GOLPH3L: variants seen among roughly 807,000 people sequenced by gnomAD.
GOLPH3L encodes the protein golgi phosphoprotein 3 like.
Under a neutral mutation model 30.3 loss-of-function variants are expected in GOLPH3L, and 22 were observed. The observed-to-expected ratio is 0.73, with a 90% CI of 0.52 to 1.04. The LOEUF (loss-of-function observed/expected upper bound fraction) is 1.04, where lower values mean the gene tolerates loss of function less well. Among genes scored for constraint, GOLPH3L ranks in the 50% least tolerant of loss-of-function variants. The pLI is 0.00. For synonymous variants in GOLPH3L, 120 were observed against 128.2 expected, an observed-to-expected ratio of 0.94 and a Z score of 0.43; for missense variants, 303 against 345.8, an observed-to-expected ratio of 0.88 and a Z score of 0.98.
chr1:150,689,389 GT>G (rs1398057729), intron 2 of GOLPH3L, among the ~76,000 whole-genome samples: 1 of 152,182 alleles, frequency 6.6e-6, no homozygotes, highest in Non-Finnish European at 1.5e-5. Context: ...TTAAAACACT[GT>G]TCATGAGTTA....
chr1:150,654,790 G>A (rs1226170492), intron 4 of GOLPH3L, among the ~76,000 whole-genome samples: 1 of 152,182 alleles, frequency 6.6e-6, no homozygotes, highest in Non-Finnish European at 1.5e-5. Flanking sequence ...CTGCACAAAA[G>A]CTGTGAGCCT....
At chr1:150,693,819 G>GTGTATATA (rs1166804199) in intron 2 of GOLPH3L, among the ~76,000 whole-genome samples, 32 of 86,858 alleles carry the variant, frequency 3.7e-4, no homozygotes, top group African/African-American at 1.3e-3. Context: ...GTGTGTGTGT[G>GTGTATATA]TATATATATA....
At chr1:150,652,490 A>T (rs1650145663) in intron 4 of GOLPH3L, among the ~76,000 whole-genome samples, 1 of 151,834 alleles carries the variant, frequency 6.6e-6, no homozygotes, top group South Asian at 2.1e-4. Context: ...TAGATCTGAA[A>T]GAGTTCACTG....
Position 150,648,543 on chromosome 1 carries a change from T to C in GOLPH3L, c.636A>G (p.Val212=). The C allele has an allele frequency of 4.3e-6, 7 of 1,613,920 alleles. 1 individual carries two copies. The highest frequency in any genetic ancestry group is 3.3e-5 in the South Asian group (3 of 91,076). ...GCTTGTCCATACGCTGAGGGTCATTTACCCACCGCTCTAGTACACTATCTT... is the reference window on the plus strand; with the variant it reads ...GCTTGTCCATACGCTGAGGGTCATTCACCCACCGCTCTAGTACACTATCTT... ...KLQDSVLERW[V]NDPQRMDKRT... The change falls in exon 5 of 5, where the codon GTA becomes GTG. Residue 212 remains valine (V), a synonymous_variant. Transcript: ENST00000271732.
Position 150,646,942 on chromosome 1 carries a change from C to A in GOLPH3L, c.*1379G>T, listed in dbSNP as rs1045992807. The A allele has an allele frequency of 6.6e-6, 1 of 152,128 alleles. No individual in the cohort carries two copies. The highest frequency in any genetic ancestry group is 1.5e-5 in the Non-Finnish European group (1 of 68,018). 9.4% of individuals were successfully genotyped at this position (152,128 alleles called of 1,614,324 possible). A position where few individuals can be genotyped will look rare whatever the true frequency, so the allele number is the denominator to read the frequency against. On this transcript the variant is annotated 3_prime_UTR_variant, in exon 5 of 5. Coordinates refer to ENST00000271732, the MANE Select transcript of GOLPH3L (RefSeq NM_018178.6). ...TCTTTCTTAATAAAGCTTCTCATTG[C>A]CCTCACTACTGAAGTAAAAAACGTG...
intron 2 of GOLPH3L, among the ~76,000 whole-genome samples, chr1:150,664,641 A>G (rs1179064830): frequency 2.0e-5 from 3 of 151,950 alleles, no homozygotes; most frequent in African/African-American, 7.3e-5. Context: ...TTTAGTAGAG[A>G]CGGGATTTCA....
chr1:150,673,818 G>C (rs1650699754), intron 2 of GOLPH3L, among the ~76,000 whole-genome samples: 1 of 151,236 alleles, frequency 6.6e-6, no homozygotes. Flanking sequence ...CCAGCTACTT[G>C]GGAGGCTGAG....
At chr1:150,663,854 T>A in intron 2 of GOLPH3L, 91 bp from the exon 3 acceptor site, 1 of 1,049,418 alleles carries the variant, frequency 9.5e-7, no homozygotes, top group Non-Finnish European at 1.4e-6. Flanking sequence ...TTTGTTGTGA[T>A]TCGTTTCACA....
At chr1:150,653,949 G>A (rs1408808150) in intron 4 of GOLPH3L, among the ~76,000 whole-genome samples, 1 of 151,642 alleles carries the variant, frequency 6.6e-6, no homozygotes, top group East Asian at 2.0e-4. Context: ...TTTCAGTACA[G>A]ACGGGGTTTC....
At chr1:150,678,837 C>G (rs1201746009) in intron 2 of GOLPH3L, among the ~76,000 whole-genome samples, 1 of 152,024 alleles carries the variant, frequency 6.6e-6, no homozygotes, top group African/African-American at 2.4e-5. Flanking sequence ...GCCTGTAGTC[C>G]CAGCTACTCG....
chr1:150,666,839 T>C (rs1445604865), intron 2 of GOLPH3L, among the ~76,000 whole-genome samples: 1 of 152,200 alleles, frequency 6.6e-6, no homozygotes, highest in Non-Finnish European at 1.5e-5. Context: ...TATTTTAATA[T>C]GGGACAATAT....
At chr1:150,650,394 C>T (rs1305866272) in intron 4 of GOLPH3L, among the ~76,000 whole-genome samples, 1 of 152,162 alleles carries the variant, frequency 6.6e-6, no homozygotes, top group Non-Finnish European at 1.5e-5. Context: ...AACAAATTAC[C>T]AAGCAAACAA....
intron 3 of GOLPH3L, among the ~76,000 whole-genome samples, chr1:150,662,933 G>T (rs908659816): frequency 3.3e-5 from 5 of 152,172 alleles, no homozygotes; most frequent in Non-Finnish European, 5.9e-5. Context: ...GAAAGGACTT[G>T]CAGTAAATGG....
At chr1:150,679,447 C>T (rs928189832) in intron 2 of GOLPH3L, among the ~76,000 whole-genome samples, 1 of 152,152 alleles carries the variant, frequency 6.6e-6, no homozygotes, top group African/African-American at 2.4e-5. Flanking sequence ...AACTTAATTG[C>T]ATGCAGTCAC....
intron 4 of GOLPH3L, among the ~76,000 whole-genome samples, chr1:150,655,583 G>C (rs1182057038): frequency 6.6e-6 from 1 of 152,194 alleles, no homozygotes; most frequent in East Asian, 1.9e-4. Flanking sequence ...TTTGATGGCA[G>C]CCATTGTTAA....
intron 1 of GOLPH3L, among the ~76,000 whole-genome samples, chr1:150,696,787 C>A (rs1390472016): frequency 5.9e-4 from 1 of 1,692 alleles, no homozygotes; most frequent in African/African-American, 2.1e-3. Flanking sequence ...CTTCGCGGGG[C>A]AGGGGGGGAG....
intron 2 of GOLPH3L, among the ~76,000 whole-genome samples, chr1:150,683,084 AC>A (rs1650994639): frequency 6.6e-6 from 1 of 152,002 alleles, no homozygotes; most frequent in Admixed American, 6.6e-5. Flanking sequence ...TATTTTCCTT[AC>A]TTTTCTCAGT....
chr1:150,693,513 T>C (rs772114718), intron 2 of GOLPH3L, among the ~76,000 whole-genome samples: 14 of 152,028 alleles, frequency 9.2e-5, no homozygotes, highest in Non-Finnish European at 1.9e-4. Context: ...AAGGCTTTCC[T>C]GGAAAGAAAG....
intron 4 of GOLPH3L, among the ~76,000 whole-genome samples, chr1:150,652,380 CAAAAAAAAAA>C (rs34446972): frequency 5.0e-5 from 2 of 40,184 alleles, no homozygotes; most frequent in African/African-American, 1.4e-4. Context: ...GACTCTGTCT[CAAAAAAAAAA>C]AAAAAAAAAA....
Sources: allele counts gnomAD v4.1 joint callset (sites outside exome capture counted in the v4.1 genomes callset), GRCh38; gene constraint gnomAD v4.1.1; transcripts MANE v1.5; gene names NCBI Gene and HGNC (gene_info 2026-07-23, HGNC 2026-07-21).